Variants in RBM33 observed in about 807,000 individuals in gnomAD.
RBM33 encodes RNA-binding protein 33.
Under a neutral mutation model 132.6 loss-of-function variants are expected in RBM33, and 28 were observed. That is an observed-to-expected ratio of 0.21 (90% CI 0.16 to 0.29). The LOEUF (loss-of-function observed/expected upper bound fraction) is 0.29. RBM33 is among the 10% of genes least tolerant of loss of function. RBM33 has a pLI of 1.00. For synonymous variants in RBM33, 634 were observed against 593.0 expected, an observed-to-expected ratio of 1.07 and a Z score of -1.01; for missense variants, 1,291 against 1,518.5, an observed-to-expected ratio of 0.85 and a Z score of 2.49.
intron 2 of RBM33, among the ~76,000 whole-genome samples, chr7:155,670,034 A>C (rs915257634): frequency 2.0e-5 from 3 of 152,222 alleles, no homozygotes; most frequent in Non-Finnish European, 4.4e-5. Flanking sequence ...CCCCACTTAC[A>C]GTGGTCAAGT....
At position 155,724,990 on chromosome 7, in the gene RBM33, TTGTGTGTGTGTGTGTGTGTG is replaced by T. The variant is rs56739117; in HGVS notation, c.1260+6575_1260+6594del. ...TTGCTGTAAACATTTGTGTACAGGT[TTGTGTGTGTGTGTGTGTGTG>T]TGTGTGTGTGTGTGTGTGTGTGTGT... On this transcript the variant is annotated intron_variant, in intron 9 of 17. Coordinates refer to ENST00000401878, the MANE Select transcript of RBM33 (RefSeq NM_053043.3). Among the ~76,000 whole-genome samples the T allele has an allele frequency of 9.2e-4, 114 of 123,362 alleles. 1 individual carries two copies. In the East Asian group the frequency reaches 0.017, roughly 18 times the overall value. The allele number at this position is 123,362 out of a possible 152,430, so 80.9% of individuals were successfully genotyped here.
chr7:155,703,094 C>T (rs772818652), intron 6 of RBM33, among the ~76,000 whole-genome samples: 4 of 152,178 alleles, frequency 2.6e-5, no homozygotes, highest in Non-Finnish European at 5.9e-5. Context: ...TGTCCCTCCA[C>T]CCAACCACTA....
intron 5 of RBM33, among the ~76,000 whole-genome samples, chr7:155,698,901 A>T (rs907219350): frequency 7.9e-5 from 12 of 152,250 alleles, no homozygotes; most frequent in Non-Finnish European, 1.6e-4. Flanking sequence ...TTATCCATTC[A>T]TTCATTGAAG....
intron 7 of RBM33, among the ~76,000 whole-genome samples, chr7:155,707,619 A>C: frequency 6.6e-6 from 1 of 152,140 alleles, no homozygotes; most frequent in East Asian, 1.9e-4. Context: ...CAGAGATGGC[A>C]CATCTCAGAA....
At chr7:155,707,261 C>T (rs1333058513) in intron 7 of RBM33, 193 bp downstream of exon 7, 2 of 687,918 alleles carry the variant, frequency 2.9e-6, no homozygotes, top group Non-Finnish European at 2.7e-6. Flanking sequence ...GCACTCCAGT[C>T]ATCTGGTAGT....
intron 9 of RBM33, among the ~76,000 whole-genome samples, chr7:155,724,822 G>T (rs1280379926): frequency 6.6e-6 from 1 of 152,144 alleles, no homozygotes; most frequent in Non-Finnish European, 1.5e-5. Flanking sequence ...ACGCGTTTGA[G>T]ATTCATCCAT....
At chr7:155,690,634 T>C (rs1799610843) in intron 5 of RBM33, among the ~76,000 whole-genome samples, 2 of 152,192 alleles carry the variant, frequency 1.3e-5, no homozygotes, top group African/African-American at 4.8e-5. Flanking sequence ...TTTACTGCTT[T>C]CTTCAGGAAC....
chr7:155,684,790 C>A, intron 5 of RBM33: 1 of 863,424 alleles, frequency 1.2e-6, no homozygotes, highest in Non-Finnish European at 1.7e-6. Context: ...GTTTCTGGGC[C>A]TGGTGCTTTG....
chr7:155,742,801 C>A (rs530057153), intron 13 of RBM33, among the ~76,000 whole-genome samples: 3 of 152,174 alleles, frequency 2.0e-5, no homozygotes, highest in Non-Finnish European at 2.9e-5. Flanking sequence ...TAGTTGAGGC[C>A]GTCTTCTCCC....
chr7:155,685,641 A>G (rs1456769003), intron 5 of RBM33, among the ~76,000 whole-genome samples: 1 of 152,128 alleles, frequency 6.6e-6, no homozygotes, highest in African/African-American at 2.4e-5. Flanking sequence ...GAACCTCTGA[A>G]CTCTGAGGTA....
rs921398851 is a variant in RBM33, at chr7:155,759,613, G to T, written c.2980-4199G>T. ...TTTTTGTATTTTTAGTAGAGACGGG[G>T]TTTCACCGTGTTAGCCAGGATGGTC... On this transcript the variant is annotated intron_variant, in intron 14 of 17. Coordinates refer to ENST00000401878, the MANE Select transcript of RBM33 (RefSeq NM_053043.3). Among the ~76,000 whole-genome samples, 3 of 151,930 alleles carry T rather than the reference G, an allele frequency of 2.0e-5. No homozygotes were observed. In the East Asian group the frequency reaches 5.8e-4, roughly 29 times the overall value.
chr7:155,764,771 G>T (rs573321389), intron 15 of RBM33, among the ~76,000 whole-genome samples: 1 of 152,258 alleles, frequency 6.6e-6, no homozygotes, highest in Non-Finnish European at 1.5e-5. Context: ...CCTGCTTTGC[G>T]CTCTGGAGAA....
At position 155,673,661 on chromosome 7, in the gene RBM33, CAT is replaced by C. The variant is rs1322120235; in HGVS notation, c.171+750_171+751del. Among the ~76,000 whole-genome samples, 20 of 108,190 alleles carry C rather than the reference CAT, an allele frequency of 1.8e-4. 5 individuals are homozygous for C. Among genetic ancestry groups the C allele is most frequent in the African/African-American group, 4.4e-4 (11 of 25,146 alleles). 71.0% of individuals were successfully genotyped at this position (108,190 alleles called of 152,430 possible). A position where few individuals can be genotyped will look rare whatever the true frequency, so the allele number is the denominator to read the frequency against. The stretch of plus-strand genomic sequence containing the variant: ...ACATACACACGTGTATATATACACA[CAT>C]ATACATACACACGTGTATATATATA... On this transcript the variant is annotated intron_variant, in intron 3 of 17. Transcript: ENST00000401878.
At chr7:155,746,737 C>T (rs1473780011) in intron 14 of RBM33, 4 of 152,180 alleles carry the variant, frequency 2.6e-5, no homozygotes, top group Non-Finnish European at 5.9e-5. Flanking sequence ...TGTAATTGCT[C>T]TGCCCTATAA....
intron 9 of RBM33, among the ~76,000 whole-genome samples, chr7:155,737,250 G>A (rs763518912): frequency 7.3e-5 from 11 of 150,812 alleles, no homozygotes; most frequent in Non-Finnish European, 1.6e-4. Flanking sequence ...GTGCGCGTGT[G>A]TGTGTGTGTG....
At chr7:155,749,774 G>A (rs946815002) in intron 14 of RBM33, among the ~76,000 whole-genome samples, 5 of 152,196 alleles carry the variant, frequency 3.3e-5, no homozygotes, top group African/African-American at 9.7e-5. Flanking sequence ...CCATCATCCC[G>A]GTTCCAGAAC....
intron 5 of RBM33, among the ~76,000 whole-genome samples, chr7:155,688,965 A>T (rs1277914441): frequency 1.4e-4 from 21 of 150,308 alleles, no homozygotes; most frequent in South Asian, 4.3e-4. Flanking sequence ...AGGCTTTGGT[A>T]TCAGGATGAT....
chr7:155,718,382 C>T lies in RBM33; in HGVS notation c.1202-3C>T, dbSNP rs745478868. The T allele has an allele frequency of 6.2e-7, 1 of 1,613,364 alleles. No individual in the cohort carries two copies. The highest frequency in any genetic ancestry group is 2.2e-5 in the East Asian group (1 of 44,886). ...TCTCTAACACAAGGGGTTTTTCTTGCAGTGCCCTTGCTACCAGTTCCGAGC... is the reference window on the plus strand; with the variant it reads ...TCTCTAACACAAGGGGTTTTTCTTGTAGTGCCCTTGCTACCAGTTCCGAGC... On this transcript the variant is annotated splice_region_variant and splice_polypyrimidine_tract_variant and intron_variant, in intron 8 of 17. Transcript: ENST00000401878.
At chr7:155,770,915 A>G (rs1467729163) in intron 16 of RBM33, among the ~76,000 whole-genome samples, 1 of 152,156 alleles carries the variant, frequency 6.6e-6, no homozygotes, top group Admixed American at 6.5e-5. Flanking sequence ...CTGGGTACAC[A>G]TGTGTGAAGC....
Sources: gnomAD v4.1 joint callset for allele counts (sites outside exome capture counted in the v4.1 genomes callset) on GRCh38, gnomAD v4.1.1 for gene constraint, MANE v1.5 for transcripts, NCBI Gene and HGNC (gene_info 2026-07-23, HGNC 2026-07-21) for gene names.